The following NRXN3 variants were observed in gnomAD, a reference collection of about 807,000 sequenced individuals.
NRXN3 encodes the protein neurexin 3.
In NRXN3, 32 loss-of-function variants were observed where a neutral mutation model predicts 137.6. The ratio of observed to expected loss-of-function variants is 0.23; its 90% confidence interval spans 0.18 to 0.31. NRXN3 has a LOEUF of 0.31. Ranked by LOEUF, NRXN3 falls within the 10% of genes least tolerant of loss-of-function variation. The pLI, the probability that NRXN3 is intolerant of heterozygous loss-of-function variation, is 1.00. For missense variants in NRXN3, 1,574 were observed against 2,062.5 expected, an observed-to-expected ratio of 0.76 and a Z score of 4.59; for synonymous variants, 798 against 784.5, an observed-to-expected ratio of 1.02 and a Z score of -0.29.
At chr14:78,322,249 A>G (rs2079471096) in intron 4 of NRXN3, among the ~76,000 whole-genome samples, 1 of 151,980 alleles carries the variant, frequency 6.6e-6, no homozygotes, top group South Asian at 2.1e-4. Flanking sequence ...CAAATATGTA[A>G]TTGGGAAAGC....
chr14:78,274,723 C>G (rs1263044144), intron 2 of NRXN3, among the ~76,000 whole-genome samples: 1 of 152,206 alleles, frequency 6.6e-6, no homozygotes, highest in Non-Finnish European at 1.5e-5. Flanking sequence ...TAATTTCCTT[C>G]TTGCCTGGTT....
chr14:78,447,609 C>A (rs531173921), intron 4 of NRXN3, among the ~76,000 whole-genome samples: 16 of 152,308 alleles, frequency 1.1e-4, no homozygotes, highest in African/African-American at 3.6e-4. Context: ...AAGGGGAGAC[C>A]CACTTTACTG....
chr14:79,699,545 G>T (rs890049531), intron 19 of NRXN3, among the ~76,000 whole-genome samples: 3 of 151,948 alleles, frequency 2.0e-5, no homozygotes, highest in African/African-American at 7.2e-5. Flanking sequence ...GTAATTATTG[G>T]TTTTTTGGCT....
intron 4 of NRXN3, among the ~76,000 whole-genome samples, chr14:78,518,925 C>T (rs549506878): frequency 1.3e-5 from 2 of 152,106 alleles, no homozygotes; most frequent in Admixed American, 6.6e-5. Context: ...TTCTGCTCCC[C>T]TGGAATCTAG....
At chr14:79,779,206 T>G (rs1396174207) in intron 19 of NRXN3, among the ~76,000 whole-genome samples, 1 of 152,150 alleles carries the variant, frequency 6.6e-6, no homozygotes, top group African/African-American at 2.4e-5. Context: ...CTCTACCTCC[T>G]GGGTTCAAGT....
intron 10 of NRXN3, among the ~76,000 whole-genome samples, chr14:78,845,910 G>T (rs1321481141): frequency 6.9e-6 from 1 of 145,918 alleles, no homozygotes; most frequent in Non-Finnish European, 1.5e-5. Flanking sequence ...GTTGGGGTGT[G>T]TGTGTGTGTG....
chr14:79,251,274 G>A (rs1311745322), intron 15 of NRXN3, among the ~76,000 whole-genome samples: 1 of 152,176 alleles, frequency 6.6e-6, no homozygotes, highest in Non-Finnish European at 1.5e-5. Context: ...GTATGCCATT[G>A]TATTCATTCA....
At chr14:78,610,495 C>T (rs565436397) in intron 4 of NRXN3, among the ~76,000 whole-genome samples, 1 of 152,240 alleles carries the variant, frequency 6.6e-6, no homozygotes, top group East Asian at 1.9e-4. Flanking sequence ...TGCCAGGTCC[C>T]CTTCTCTTAT....
intron 4 of NRXN3, among the ~76,000 whole-genome samples, chr14:78,616,336 A>C (rs1030046609): frequency 6.6e-6 from 1 of 152,098 alleles, no homozygotes; most frequent in Non-Finnish European, 1.5e-5. Flanking sequence ...CTTCAAATTC[A>C]TCAAGCTCTT....
chr14:78,387,769 G>A (rs530891457), intron 4 of NRXN3, among the ~76,000 whole-genome samples: 8 of 152,146 alleles, frequency 5.3e-5, no homozygotes, highest in East Asian at 1.9e-4. Flanking sequence ...AAGTGCAGGC[G>A]AGTGACTGCC....
chr14:79,757,477 T>G (rs574774116), intron 19 of NRXN3, among the ~76,000 whole-genome samples: 1 of 152,312 alleles, frequency 6.6e-6, no homozygotes, highest in Non-Finnish European at 1.5e-5. Context: ...GGTGATATTA[T>G]ATCTGGTGAA....
At chr14:78,981,698 A>C (rs2099489863) in intron 14 of NRXN3, among the ~76,000 whole-genome samples, 1 of 152,214 alleles carries the variant, frequency 6.6e-6, no homozygotes, top group Non-Finnish European at 1.5e-5. Context: ...AATAAGCACT[A>C]GGTAAGCTGT....
intron 20 of NRXN3, among the ~76,000 whole-genome samples, chr14:79,850,263 G>T (rs2099388909): frequency 6.6e-6 from 1 of 152,116 alleles, no homozygotes; most frequent in Non-Finnish European, 1.5e-5. Flanking sequence ...GGTTCCCTCT[G>T]CCTTCCTCTC....
chr14:78,842,552 T>C (rs2099015490), intron 10 of NRXN3, among the ~76,000 whole-genome samples: 1 of 152,104 alleles, frequency 6.6e-6, no homozygotes, highest in Admixed American at 6.6e-5. Flanking sequence ...TAATGAAGTT[T>C]CAGGCACGCA....
intron 8 of NRXN3, among the ~76,000 whole-genome samples, chr14:78,721,498 A>G (rs188166972): frequency 5.1e-4 from 77 of 152,268 alleles, no homozygotes; most frequent in Admixed American, 8.5e-4. Context: ...GAGAGAGAGA[A>G]AGGTGAATGA....
intron 10 of NRXN3, among the ~76,000 whole-genome samples, chr14:78,830,480 T>C (rs2098978539): frequency 6.6e-6 from 1 of 152,048 alleles, no homozygotes; most frequent in South Asian, 2.1e-4. Context: ...AAATGAAGAG[T>C]AAGAGATTAC....
intron 4 of NRXN3, among the ~76,000 whole-genome samples, chr14:78,515,242 G>C (rs577096043): frequency 2.9e-4 from 44 of 152,222 alleles, no homozygotes; most frequent in African/African-American, 1.1e-3. Flanking sequence ...AGGGATAGAG[G>C]GATGCTCATC....
At chr14:79,004,507 G>C (rs970183970) in intron 15 of NRXN3, among the ~76,000 whole-genome samples, 1 of 152,166 alleles carries the variant, frequency 6.6e-6, no homozygotes, top group African/African-American at 2.4e-5. Context: ...GCCTCCCAAA[G>C]TGCTGGGATT....
chr14:79,038,762 C>T (rs1010555699), intron 15 of NRXN3, among the ~76,000 whole-genome samples: 43 of 152,092 alleles, frequency 2.8e-4, no homozygotes, highest in Admixed American at 7.2e-4. Flanking sequence ...AATGAATTCC[C>T]AGGAGAGTTT....
Sources: allele counts gnomAD v4.1 joint callset (sites outside exome capture counted in the v4.1 genomes callset), GRCh38; gene constraint gnomAD v4.1.1; transcripts MANE v1.5; gene names NCBI Gene and HGNC (gene_info 2026-07-23, HGNC 2026-07-21).